Variants in GLB1 observed in about 807,000 individuals in gnomAD.
GLB1 encodes galactosidase beta 1, also known as beta-galactosidase.
Under a neutral mutation model 74.0 loss-of-function variants are expected in GLB1, and 56 were observed. That is an observed-to-expected ratio of 0.76 (90% CI 0.61 to 0.94). GLB1 has a LOEUF of 0.94. GLB1 is among the 40% of genes least tolerant of loss of function. The pLI is 0.00. For synonymous variants in GLB1, 323 were observed against 323.6 expected, an observed-to-expected ratio of 1.00 and a Z score of 0.02; for missense variants, 787 against 845.5, an observed-to-expected ratio of 0.93 and a Z score of 0.86.
At chr3:33,034,065 C>T (rs1018505578) in intron 10 of GLB1, 1 of 552,866 alleles carries the variant, frequency 1.8e-6, no homozygotes, top group Non-Finnish European at 3.5e-6. Context: ...TGGGCTCACC[C>T]CACATATGGC....
chr3:32,973,867 G>A, the GLB1 span, among the ~76,000 whole-genome samples: 1 of 152,198 alleles, frequency 6.6e-6, no homozygotes, highest in African/African-American at 2.4e-5. Context: ...GAAGCAAAGT[G>A]TTGAGCAAAG....
chr3:33,037,041 A>T (rs1432497376), intron 10 of GLB1, among the ~76,000 whole-genome samples: 8 of 138,034 alleles, frequency 5.8e-5, no homozygotes, highest in Non-Finnish European at 1.1e-4. Flanking sequence ...ATATTTTACC[A>T]CAATTAATTT....
At chr3:33,047,069 T>C (rs996395127) in intron 9 of GLB1, among the ~76,000 whole-genome samples, 4 of 152,196 alleles carry the variant, frequency 2.6e-5, no homozygotes, top group African/African-American at 7.2e-5. Flanking sequence ...CTTGTGAAGC[T>C]GCATCATAGC....
At chr3:32,999,959 T>C (rs1392305006) in intron 15 of GLB1, among the ~76,000 whole-genome samples, 1 of 148,852 alleles carries the variant, frequency 6.7e-6, no homozygotes, top group African/African-American at 2.5e-5. Context: ...CCTTTTTCTT[T>C]TTCTTTTTTC....
In GLB1 at chr3:33,046,166, C is replaced by A; in HGVS notation, c.1022G>T (p.Gly341Val). ...YDYDAPLSEAGDLTEKYFALR... is the reference protein window; with the variant it reads ...YDYDAPLSEAVDLTEKYFALR... ...AGCAAAATACTTCTCAGTGAGGTCCCCAGCCTCACTCAGTGGGGCATCATA... is the reference window on the plus strand; with the variant it reads ...AGCAAAATACTTCTCAGTGAGGTCCACAGCCTCACTCAGTGGGGCATCATA... The change falls in exon 10 of 16, where the codon GGG (glycine) becomes GTG (valine). Residue 341 changes from glycine (G) to valine (V), a missense_variant. Gly to Val is a moderately radical substitution (Grantham distance 109, BLOSUM62 -3). Transcript: ENST00000307363. 6.2e-7 allele frequency: 1 copy of A among 1,613,890 alleles called. No individual in the cohort carries two copies.
At chr3:33,064,968 G>A (rs1344264097) in intron 5 of GLB1, among the ~76,000 whole-genome samples, 1 of 152,058 alleles carries the variant, frequency 6.6e-6, no homozygotes, top group Non-Finnish European at 1.5e-5. Context: ...AAGTAAGAGA[G>A]GAAACATAAC....
intron 1 of GLB1, chr3:33,077,235 A>C: frequency 6.4e-7 from 1 of 1,554,714 alleles, no homozygotes; most frequent in Non-Finnish European, 8.7e-7. Flanking sequence ...GAAGGAATCG[A>C]GACTGAGAAC....
intron 10 of GLB1, among the ~76,000 whole-genome samples, chr3:33,026,965 C>T (rs1381041517): frequency 8.5e-5 from 13 of 152,248 alleles, no homozygotes; most frequent in Admixed American, 3.9e-4. Context: ...AGGACAAGAA[C>T]TCAAGATCCG....
the GLB1 span, among the ~76,000 whole-genome samples, chr3:32,971,353 C>T: frequency 6.6e-6 from 1 of 152,218 alleles, no homozygotes; most frequent in Non-Finnish European, 1.5e-5. Context: ...TCCAACCCTG[C>T]AATTCCGGGT....
In GLB1 at chr3:33,093,632, C is replaced by G. The variant is rs769114598; in HGVS notation, c.75+3379G>C. The G allele has an allele frequency of 1.2e-6, 2 of 1,614,124 alleles. No individual in the cohort carries two copies. Among genetic ancestry groups the G allele is most frequent in the Non-Finnish European group, 1.7e-6 (2 of 1,180,022 alleles). Reference sequence around the variant, plus strand: ...TGGGCACCTCCACAGTTTTCACAGCCGGGGGCTGCGCGGCATTCAGAATCC... The same window carrying G: ...TGGGCACCTCCACAGTTTTCACAGCGGGGGGCTGCGCGGCATTCAGAATCC... On this transcript the variant is annotated intron_variant, in intron 1 of 15. Coordinates refer to ENST00000307363, the MANE Select transcript of GLB1 (RefSeq NM_000404.4). This position sits in a 1 kb window ranked among gnomAD's most constrained non-coding sequence, Gnocchi z 6.0.
rs761601513 is a variant in GLB1, at chr3:33,046,136, C to T, written c.1052G>A (p.Arg351Gln). The change falls in exon 10 of 16, where the codon CGA (arginine) becomes CAA (glutamine). Residue 351 changes from arginine (R) to glutamine (Q), a missense_variant. Transcript: ENST00000307363. ...AGCACCCACCTTCTGGATGATGTTT[C>T]GCAGAGCAAAATACTTCTCAGTGAG... The part of the protein sequence containing the change: ...GDLTEKYFAL[R>Q]NIIQKFEKVP... 9.9e-6 allele frequency: 16 copies of T among 1,613,026 alleles called. No individual in the cohort carries two copies. The highest frequency in any genetic ancestry group is 8.3e-5 in the Admixed American group (5 of 59,988).
chr3:33,047,609 G>A (rs1698794167), intron 9 of GLB1, among the ~76,000 whole-genome samples: 1 of 152,192 alleles, frequency 6.6e-6, no homozygotes, highest in African/African-American at 2.4e-5. Context: ...AACCTAATTT[G>A]TACATCAATG....
At chr3:33,091,248 G>A (rs375165483) in intron 1 of GLB1, 1 of 985,360 alleles carries the variant, frequency 1.0e-6, no homozygotes, top group Admixed American at 6.2e-5. Flanking sequence ...TGCATGGTAT[G>A]GCCCACTGTC....
At chr3:33,024,389 C>G in intron 10 of GLB1, 64 bp from the exon 11 acceptor site, 1 of 1,513,344 alleles carries the variant, frequency 6.6e-7, no homozygotes, top group East Asian at 2.3e-5. Flanking sequence ...GAAACATATT[C>G]ATAAAATTTA....
intron 13 of GLB1, 103 bp from the exon 14 acceptor site, chr3:33,016,943 G>C (rs1697258899): frequency 1.6e-5 from 25 of 1,539,192 alleles, no homozygotes; most frequent in Non-Finnish European, 2.2e-5. Flanking sequence ...TTGCCTTGAA[G>C]TGTCACCAGA....
chr3:33,050,033 G>A (rs889980338), intron 9 of GLB1, among the ~76,000 whole-genome samples: 1 of 152,038 alleles, frequency 6.6e-6, no homozygotes, highest in African/African-American at 2.4e-5. Context: ...TCAACAGCTG[G>A]GCATCCTCCA....
At chr3:32,992,639 C>T (rs910168293), downstream of GLB1, among the ~76,000 whole-genome samples, 4 of 152,074 alleles carry the variant, frequency 2.6e-5, no homozygotes, top group East Asian at 3.9e-4. Context: ...GGAGCAGGAA[C>T]GTGACCCTGG....
intron 1 of GLB1, among the ~76,000 whole-genome samples, chr3:33,074,192 A>T (rs1699998127): frequency 6.6e-6 from 1 of 150,534 alleles, no homozygotes; most frequent in Admixed American, 6.7e-5. Context: ...TAAAAAAAAA[A>T]ATAGCTACTC....
At chr3:33,076,985 A>T in intron 1 of GLB1, 1 of 1,099,236 alleles carries the variant, frequency 9.1e-7, no homozygotes. Context: ...GCAATTTGGG[A>T]GGCCAAGGCA....
Sources: allele counts gnomAD v4.1 joint callset (sites outside exome capture counted in the v4.1 genomes callset), GRCh38; gene constraint gnomAD v4.1.1; non-coding constraint Gnocchi (gnomAD v3.1); transcripts MANE v1.5; gene names NCBI Gene and HGNC (gene_info 2026-07-23, HGNC 2026-07-21).